The following HMGXB4 variants were observed in gnomAD, a reference collection of about 807,000 sequenced individuals.
HMGXB4 encodes HMG-box containing 4.
In HMGXB4, 27 loss-of-function variants were observed where a neutral mutation model predicts 63.9. The observed-to-expected ratio is 0.42, with a 90% CI of 0.31 to 0.58. HMGXB4 has a LOEUF of 0.58. Among genes scored for constraint, HMGXB4 ranks in the 20% least tolerant of loss-of-function variants. The probability of loss-of-function intolerance (pLI) is 0.13; values close to 1 mark genes in which losing one functional copy is unlikely to be tolerated. For missense variants in HMGXB4, 624 were observed against 700.7 expected (o/e 0.89, Z 1.24); for synonymous variants, 264 against 265.3 (o/e 0.99, Z 0.05).
intron 5 of HMGXB4, among the ~76,000 whole-genome samples, chr22:35,275,558 C>T (rs1923861483): frequency 6.6e-6 from 1 of 152,100 alleles, no homozygotes; most frequent in Non-Finnish European, 1.5e-5. Flanking sequence ...AAAAGTTAAG[C>T]AGGACACTTT....
At chr22:35,280,635 A>G (rs1924189935) in intron 5 of HMGXB4, among the ~76,000 whole-genome samples, 1 of 152,212 alleles carries the variant, frequency 6.6e-6, no homozygotes, top group African/African-American at 2.4e-5. Context: ...CCCTGACTAT[A>G]TAACTTCCTG....
In HMGXB4 at chr22:35,263,025, A is replaced by T. The variant is rs1475464716; in HGVS notation, c.32-53A>T. The stretch of plus-strand genomic sequence containing the variant: ...GCATTACCTGCATGACGATTTGGTC[A>T]TTACTTACTTGACTTTCTCATTTCC... On this transcript the variant is annotated intron_variant, in intron 2 of 10. Coordinates refer to ENST00000216106, the MANE Select transcript of HMGXB4 (RefSeq NM_001003681.3). The T allele has an allele frequency of 5.2e-6, 8 of 1,553,072 alleles. No homozygotes were observed. The East Asian group carries it at 1.8e-4, about 35-fold the overall frequency.
chr22:35,271,651 G>A (rs1923611420), intron 5 of HMGXB4, among the ~76,000 whole-genome samples: 1 of 152,186 alleles, frequency 6.6e-6, no homozygotes, highest in South Asian at 2.1e-4. Flanking sequence ...CAATACATGC[G>A]GAAGTGTTCA....
At chr22:35,255,641 G>A (rs571663851), upstream of HMGXB4, among the ~76,000 whole-genome samples, 5 of 152,332 alleles carry the variant, frequency 3.3e-5, no homozygotes, top group East Asian at 5.8e-4. Flanking sequence ...CCACAGACAC[G>A]TCAAAGGACC....
At chr22:35,290,318 A>G (rs1924847759) in intron 9 of HMGXB4, among the ~76,000 whole-genome samples, 1 of 152,132 alleles carries the variant, frequency 6.6e-6, no homozygotes, top group Non-Finnish European at 1.5e-5. Flanking sequence ...AATCACTACT[A>G]TTTCATTCCA....
At position 35,265,671 on chromosome 22, in the gene HMGXB4, TTTTAAG is replaced by T. The variant is rs1368100367; in HGVS notation, c.1215+71_1215+76del. On this transcript the variant is annotated intron_variant, in intron 5 of 10. Transcript: ENST00000216106. ...GGTTCTTCCTGGGTAGTCAGTGGAC[TTTTAAG>T]TTAAGCAGTTGAGGTAAACCACTGG... The T allele has an allele frequency of 1.3e-5, 19 of 1,451,706 alleles. No individual in the cohort carries two copies. In the African/African-American group the frequency reaches 1.6e-4, roughly 12 times the overall value. The allele number at this position is 1,451,706 out of a possible 1,614,324, so 89.9% of individuals were successfully genotyped here.
rs1923021349 is a variant in HMGXB4, at chr22:35,263,811, T to C, written c.196T>C (p.Phe66Leu). The C allele has an allele frequency of 1.2e-6, 2 of 1,612,694 alleles. No individual in the cohort carries two copies. The highest frequency in any genetic ancestry group is 1.7e-6 in the Non-Finnish European group (2 of 1,178,748). The part of the protein sequence containing the change: ...KKKLKDSELY[F>L]LGTDTHKKKR... Reference sequence around the variant, plus strand: ...TTAATTATAGGATAGTGAACTTTACTTCTTGGGGACGGACACACACAAGAA... The same window carrying C: ...TTAATTATAGGATAGTGAACTTTACCTCTTGGGGACGGACACACACAAGAA... The change falls in exon 4 of 11, where the codon TTC becomes CTC. Residue 66 changes from phenylalanine to leucine, a missense_variant. Phe to Leu is a conservative substitution (Grantham distance 22). Coordinates refer to ENST00000216106, the MANE Select transcript of HMGXB4 (RefSeq NM_001003681.3).
chr22:35,276,822 A>G (rs1569001488), intron 5 of HMGXB4, among the ~76,000 whole-genome samples: 1 of 152,322 alleles, frequency 6.6e-6, no homozygotes, highest in East Asian at 1.9e-4. Flanking sequence ...TTGGTTTGCT[A>G]TTTCAATGAA....
At chr22:35,260,660 C>T (rs958566791) in intron 1 of HMGXB4, among the ~76,000 whole-genome samples, 1 of 152,230 alleles carries the variant, frequency 6.6e-6, no homozygotes, top group Non-Finnish European at 1.5e-5. Flanking sequence ...AGTTTCATTA[C>T]TCTAGCTTCT....
chr22:35,285,637 G>T (rs930817692), intron 6 of HMGXB4, among the ~76,000 whole-genome samples: 1 of 152,172 alleles, frequency 6.6e-6, no homozygotes, highest in Admixed American at 6.5e-5. Context: ...GAGGTGAGAG[G>T]GTGGTTTGAG....
At chr22:35,244,354 C>T in the HMGXB4 span, among the ~76,000 whole-genome samples, 1 of 149,054 alleles carries the variant, frequency 6.7e-6, no homozygotes, top group East Asian at 2.0e-4. Flanking sequence ...AGTACAATGG[C>T]GTGATCTCGG....
chr22:35,273,285 AGCTATAATCTTTCCACTATG>A (rs758050710), intron 5 of HMGXB4, among the ~76,000 whole-genome samples: 5 of 152,236 alleles, frequency 3.3e-5, no homozygotes, highest in Non-Finnish European at 7.3e-5. Flanking sequence ...CGGAGGAAGA[AGCTATAATCTTTCCACTATG>A]CCACATGCCT....
chr22:35,287,277 T>C, intron 7 of HMGXB4, 70 bp from the exon 8 acceptor site: 2 of 1,246,056 alleles, frequency 1.6e-6, no homozygotes, highest in Non-Finnish European at 2.3e-6. Flanking sequence ...ATTTTGTTCT[T>C]TCATGACTGC....
At chr22:35,263,535 C>G (rs1161599584) in intron 3 of HMGXB4, among the ~76,000 whole-genome samples, 1 of 152,018 alleles carries the variant, frequency 6.6e-6, no homozygotes, top group Non-Finnish European at 1.5e-5. Context: ...CACCTGCCTC[C>G]GCCTCCCAAA....
intron 5 of HMGXB4, among the ~76,000 whole-genome samples, chr22:35,281,605 A>G (rs1168443453): frequency 6.6e-6 from 1 of 152,214 alleles, no homozygotes; most frequent in East Asian, 1.9e-4. Context: ...TAAGTTTTAT[A>G]ATATGGCCAA....
At chr22:35,264,385 G>C (rs533681198) in intron 4 of HMGXB4, among the ~76,000 whole-genome samples, 1 of 152,200 alleles carries the variant, frequency 6.6e-6, no homozygotes, top group Non-Finnish European at 1.5e-5. Context: ...TTCTGGGTAT[G>C]TGCTCTTTGG....
At chr22:35,269,210 T>G (rs772089273) in intron 5 of HMGXB4, among the ~76,000 whole-genome samples, 19 of 152,160 alleles carry the variant, frequency 1.2e-4, no homozygotes, top group Non-Finnish European at 2.5e-4. Context: ...AACCCCCATT[T>G]CTACTAAAAA....
At chr22:35,257,325 A>G (rs1922470139), upstream of HMGXB4, 1 of 152,622 alleles carries the variant, frequency 6.6e-6, no homozygotes, top group Non-Finnish European at 1.5e-5. Context: ...CTTCTAGGGC[A>G]AGGCTGGGAC....
At chr22:35,282,921 T>A (rs767196867) in intron 5 of HMGXB4, among the ~76,000 whole-genome samples, 1 of 152,280 alleles carries the variant, frequency 6.6e-6, no homozygotes, top group African/African-American at 2.4e-5. Flanking sequence ...CATAGAAATA[T>A]AATCTTCTGT....
Sources: allele counts gnomAD v4.1 joint callset (sites outside exome capture counted in the v4.1 genomes callset), GRCh38; gene constraint gnomAD v4.1.1; transcripts MANE v1.5; gene names NCBI Gene and HGNC (gene_info 2026-07-23, HGNC 2026-07-21).